PHEX: variants seen among roughly 807,000 people sequenced by gnomAD.
PHEX encodes the protein phosphate regulating endopeptidase X-linked, also known as phosphate-regulating neutral endopeptidase PHEX.
A neutral mutation model predicts 68.0 loss-of-function variants in PHEX; 16 were observed. The ratio of observed to expected loss-of-function variants is 0.24; its 90% CI spans 0.16 to 0.36. The LOEUF is 0.36. Ranked by LOEUF, PHEX falls within the 10% of genes least tolerant of loss-of-function variation. The pLI is 1.00. For missense variants in PHEX, 480 were observed against 575.5 expected (o/e 0.83, Z 1.70); for synonymous variants, 208 against 205.1 (o/e 1.01, Z -0.12).
At chrX:22,200,653 T>G (rs1934520703) in intron 15 of PHEX, among the ~76,000 whole-genome samples, 1 of 110,810 alleles carries the variant, frequency 9.0e-6, no homozygotes, top group Admixed American at 9.6e-5. Context: ...CATGAGATGA[T>G]ATACAGGAAC....
chrX:22,249,154 T>C lies in PHEX; in HGVS notation c.*1201T>C, dbSNP rs1022406457. 2.8e-5 allele frequency: 3 copies of C among 108,718 alleles called. No individual in the cohort carries two copies. Among genetic ancestry groups the C allele is most frequent in the Admixed American group, 1.0e-4 (1 of 10,049 alleles). The allele number at this position is 108,718 out of a possible 1,213,427, so 9.0% of individuals were successfully genotyped here. A position where few individuals can be genotyped will look rare whatever the true frequency, so the allele number is the denominator to read the frequency against. On this transcript the variant is annotated 3_prime_UTR_variant, in exon 22 of 22. Transcript: ENST00000379374. The stretch of plus-strand genomic sequence containing the variant: ...AGTTGTGAGAAAGAGCAGTACTATG[T>C]GTTTTATCCTTAGAGCATTATCCTT...
intron 18 of PHEX, among the ~76,000 whole-genome samples, chrX:22,224,374 C>T (rs1196231167): frequency 1.8e-5 from 2 of 111,819 alleles, no homozygotes. Context: ...TTAGCCTCAC[C>T]CTGATTCCAC....
intron 20 of PHEX, among the ~76,000 whole-genome samples, chrX:22,233,131 C>T (rs1462572501): frequency 1.8e-5 from 2 of 111,899 alleles, no homozygotes; most frequent in Non-Finnish European, 3.8e-5. Flanking sequence ...AATATTGGCC[C>T]TCACTCTCTC....
intron 15 of PHEX, among the ~76,000 whole-genome samples, chrX:22,210,152 T>TCTCCAAAAATGCAGCTTACCAC (rs1388446333): frequency 9.0e-6 from 1 of 111,585 alleles, no homozygotes; most frequent in South Asian, 3.8e-4. Context: ...CTGGTTGACA[T>TCTCCAAAAATGCAGCTTACCAC]CTCCAAAAAT....
chrX:22,082,044 C>G (rs1296368318), intron 5 of PHEX, among the ~76,000 whole-genome samples: 1 of 112,184 alleles, frequency 8.9e-6, no homozygotes, highest in Non-Finnish European at 1.9e-5. Context: ...GGAGAAACTC[C>G]AAGAAAATTT....
intron 5 of PHEX, among the ~76,000 whole-genome samples, chrX:22,079,409 GC>G (rs1293125603): frequency 1.8e-5 from 2 of 111,656 alleles, no homozygotes; most frequent in African/African-American, 3.3e-5. Context: ...TTAATCTAGA[GC>G]CCTCCTTTTT....
intron 15 of PHEX, among the ~76,000 whole-genome samples, chrX:22,191,002 A>G (rs1934182325): frequency 1.8e-5 from 2 of 111,799 alleles, no homozygotes; most frequent in African/African-American, 6.5e-5. Context: ...AAATACCATG[A>G]TAAATTTAAA....
chrX:22,241,887 A>C (rs905832240), intron 20 of PHEX, among the ~76,000 whole-genome samples: 1 of 112,426 alleles, frequency 8.9e-6, no homozygotes, highest in Non-Finnish European at 1.9e-5. Flanking sequence ...AAACTATTCC[A>C]AACAATAGAA....
rs3085228 is a variant in PHEX, at chrX:22,185,756, G to GTTTTTTTTTT, written c.1587-4680_1587-4671dup. Among the ~76,000 whole-genome samples the GTTTTTTTTTT allele has an allele frequency of 2.9e-3, 257 of 87,723 alleles. 7 individuals are homozygous for GTTTTTTTTTT. Among genetic ancestry groups the GTTTTTTTTTT allele is most frequent in the Non-Finnish European group, 3.3e-3 (157 of 46,886 alleles). The allele number at this position is 87,723 out of a possible 115,157, so 76.2% of individuals were successfully genotyped here. On this transcript the variant is annotated intron_variant, in intron 14 of 21. Coordinates refer to ENST00000379374, the MANE Select transcript of PHEX (RefSeq NM_000444.6). Reference sequence around the variant, plus strand: ...CTCAGCTGCATGGTTCTCGTTTGTGGTTTTTTTTTTTTTTTTTGGACACAG... The same window carrying GTTTTTTTTTT: ...CTCAGCTGCATGGTTCTCGTTTGTGGTTTTTTTTTTTTTTTTTTTTTTTTTTTGGACACAG...
chrX:22,206,653 G>A (rs1428535822), intron 15 of PHEX, among the ~76,000 whole-genome samples: 1 of 110,999 alleles, frequency 9.0e-6, no homozygotes, highest in Non-Finnish European at 1.9e-5. Context: ...TACCTGAAGC[G>A]AGCCATACAG....
At chrX:22,192,780 G>C (rs1407108890) in intron 15 of PHEX, among the ~76,000 whole-genome samples, 1 of 111,848 alleles carries the variant, frequency 8.9e-6, no homozygotes, top group South Asian at 3.7e-4. Flanking sequence ...CCAGTCTGCC[G>C]TGGGTCCTCC....
At chrX:22,218,885 T>G in intron 16 of PHEX, 151 bp from the exon 17 acceptor site, 1 of 449,904 alleles carries the variant, frequency 2.2e-6, no homozygotes, top group East Asian at 3.7e-5. Context: ...TATGTTTAGA[T>G]TTTTTACAGC....
At chrX:22,048,477 T>C (rs1602252837) in intron 3 of PHEX, among the ~76,000 whole-genome samples, 1 of 111,535 alleles carries the variant, frequency 9.0e-6, no homozygotes, top group African/African-American at 3.3e-5. Flanking sequence ...TACACACACA[T>C]GTGCACACAC....
chrX:22,190,872 G>T (rs2147139416), intron 15 of PHEX, among the ~76,000 whole-genome samples: 1 of 111,767 alleles, frequency 8.9e-6, no homozygotes, highest in African/African-American at 3.2e-5. Flanking sequence ...TAACTGAGCA[G>T]ATTGTAGAAC....
chrX:22,211,035 A>G (rs1934904566), intron 15 of PHEX, among the ~76,000 whole-genome samples: 1 of 111,321 alleles, frequency 9.0e-6, no homozygotes, highest in Non-Finnish European at 1.9e-5. Context: ...GTTGCTCTGG[A>G]GCAGTGAAGG....
chrX:22,074,094 T>C (rs753164128), intron 3 of PHEX, among the ~76,000 whole-genome samples: 7 of 111,351 alleles, frequency 6.3e-5, no homozygotes, highest in African/African-American at 2.3e-4. Context: ...TCTCAATGCT[T>C]TGGGGACATT....
intron 9 of PHEX, among the ~76,000 whole-genome samples, chrX:22,101,383 G>A (rs1391008854): frequency 1.8e-5 from 2 of 111,720 alleles, no homozygotes; most frequent in Admixed American, 9.5e-5. Context: ...ATCACCACTC[G>A]TGTAGCATTA....
chrX:22,203,348 G>C (rs1934616557), intron 15 of PHEX, among the ~76,000 whole-genome samples: 1 of 110,321 alleles, frequency 9.1e-6, no homozygotes, highest in Non-Finnish European at 1.9e-5. Flanking sequence ...TGATAGATGT[G>C]GTGGCAGGAG....
At chrX:22,229,566 C>T (rs1465297367) in intron 20 of PHEX, among the ~76,000 whole-genome samples, 2 of 112,159 alleles carry the variant, frequency 1.8e-5, no homozygotes, top group African/African-American at 3.2e-5. Flanking sequence ...CTGTTCGTAG[C>T]CTTTGCCCAC....
Sources: gnomAD v4.1 joint callset for allele counts (sites outside exome capture counted in the v4.1 genomes callset) on GRCh38, gnomAD v4.1.1 for gene constraint, MANE v1.5 for transcripts, NCBI Gene and HGNC (gene_info 2026-07-23, HGNC 2026-07-21) for gene names.